Variants in SIPA1L2 observed in about 807,000 individuals in gnomAD.
The protein encoded by SIPA1L2 is signal-induced proliferation-associated 1-like protein 2.
SIPA1L2 carries 56 observed loss-of-function variants against 163.9 expected under a neutral mutation model. That is an observed-to-expected ratio of 0.34 (90% confidence interval 0.28 to 0.43). The LOEUF is 0.43. Among genes scored for constraint, SIPA1L2 ranks in the 20% least tolerant of loss-of-function variants. The pLI is 1.00. For synonymous variants in SIPA1L2, 877 were observed against 865.7 expected (o/e 1.01, Z -0.23); for missense variants, 1,974 against 2,193.5 (o/e 0.90, Z 2.00).
intron 1 of SIPA1L2, among the ~76,000 whole-genome samples, chr1:232,592,063 A>G (rs1660996029): frequency 6.6e-6 from 1 of 152,198 alleles, no homozygotes; most frequent in African/African-American, 2.4e-5. Flanking sequence ...AGAATAAGAA[A>G]AAGAAGGAAA....
At chr1:232,441,525 C>G in intron 13 of SIPA1L2, 131 bp from the exon 14 acceptor site, 1 of 844,538 alleles carries the variant, frequency 1.2e-6, no homozygotes, top group South Asian at 1.5e-5. Context: ...TCTGGTCTTA[C>G]CAATGGATAT....
At chr1:232,539,083 T>G (rs1185437440) in intron 2 of SIPA1L2, among the ~76,000 whole-genome samples, 1 of 152,224 alleles carries the variant, frequency 6.6e-6, no homozygotes, top group Non-Finnish European at 1.5e-5. Context: ...CAGAGTCTCC[T>G]CGTCAAGCAA....
chr1:232,502,928 G>A (rs6676856), intron 3 of SIPA1L2, among the ~76,000 whole-genome samples: 62,072 of 152,118 alleles, frequency 0.41, 14,223 homozygotes, highest in East Asian at 0.85. Flanking sequence ...GAGGGAAATA[G>A]TTGCCCTTTT....
chr1:232,628,527 AG>A (rs143062080), intron 1 of SIPA1L2, among the ~76,000 whole-genome samples: 14,165 of 152,318 alleles, frequency 0.093, 849 homozygotes, highest in Non-Finnish European at 0.13. Context: ...ACATGAAACA[AG>A]CATTCTTAAA....
intron 1 of SIPA1L2, among the ~76,000 whole-genome samples, chr1:232,626,184 T>C (rs546560435): frequency 6.6e-6 from 1 of 152,018 alleles, no homozygotes; most frequent in South Asian, 2.1e-4. Context: ...AACACACTTA[T>C]GTAGCAACAT....
intron 2 of SIPA1L2, among the ~76,000 whole-genome samples, chr1:232,565,046 TC>T (rs1203385327): frequency 2.0e-5 from 3 of 152,172 alleles, no homozygotes; most frequent in Non-Finnish European, 4.4e-5. Context: ...TGTGCTTGTA[TC>T]CCAGAATTTA....
At chr1:232,466,491 A>G (rs539458423) in intron 8 of SIPA1L2, among the ~76,000 whole-genome samples, 14 of 152,306 alleles carry the variant, frequency 9.2e-5, no homozygotes, top group African/African-American at 3.4e-4. Context: ...GGACTAATGA[A>G]TTAACAAAGG....
intron 3 of SIPA1L2, among the ~76,000 whole-genome samples, chr1:232,511,275 G>A (rs971554243): frequency 5.3e-5 from 8 of 152,160 alleles, no homozygotes; most frequent in Non-Finnish European, 7.4e-5. Flanking sequence ...AGCCAAGACC[G>A]AAATTCAGGG....
At chr1:232,401,140 C>T (rs1410851161) in intron 22 of SIPA1L2, among the ~76,000 whole-genome samples, 3 of 152,190 alleles carry the variant, frequency 2.0e-5, no homozygotes, top group African/African-American at 7.2e-5. Flanking sequence ...CTTGATTTCC[C>T]GTCTAAACTT....
chr1:232,440,538 C>T (rs939984311), intron 14 of SIPA1L2, among the ~76,000 whole-genome samples: 7 of 152,174 alleles, frequency 4.6e-5, no homozygotes, highest in South Asian at 2.1e-4. Flanking sequence ...AGGTCGCGGT[C>T]ACAGCTGAGG....
chr1:232,493,051 TC>T (rs1204730752), intron 4 of SIPA1L2, among the ~76,000 whole-genome samples: 2 of 152,108 alleles, frequency 1.3e-5, no homozygotes, highest in African/African-American at 4.8e-5. Flanking sequence ...GGTTGAATTT[TC>T]CCCTTGCTGT....
intron 1 of SIPA1L2, among the ~76,000 whole-genome samples, chr1:232,588,044 A>G (rs1045623889): frequency 7.2e-5 from 11 of 152,186 alleles, no homozygotes; most frequent in African/African-American, 2.4e-4. Flanking sequence ...AGCAGCAGGA[A>G]AACGGACTAA....
rs1002796010 is a variant in SIPA1L2 at position 232,460,945 on chromosome 1, T to C, written c.3037A>G (p.Thr1013Ala). ...THEQMIDLLRTSVTVKVVIIQ... is the reference protein window; with the variant it reads ...THEQMIDLLRASVTVKVVIIQ... Reference sequence around the variant, plus strand: ...ATGACCACCTTCACAGTCACAGAAGTACGGAGCAGGTCGATCATCTGCTCG... The same window carrying C: ...ATGACCACCTTCACAGTCACAGAAGCACGGAGCAGGTCGATCATCTGCTCG... The change falls in exon 10 of 23, where the codon ACT becomes GCT. Residue 1013 changes from threonine to alanine, a missense_variant. Thr to Ala is a moderately conservative substitution (Grantham distance 58). Coordinates refer to ENST00000674635, the MANE Select transcript of SIPA1L2 (RefSeq NM_020808.5). 6.2e-7 allele frequency: 1 copy of C among 1,614,122 alleles called. No homozygotes were observed. Among genetic ancestry groups the C allele is most frequent in the Non-Finnish European group, 8.5e-7 (1 of 1,180,050 alleles).
chr1:232,512,841 C>T (rs1667043068), intron 3 of SIPA1L2, among the ~76,000 whole-genome samples: 1 of 152,128 alleles, frequency 6.6e-6, no homozygotes, highest in African/African-American at 2.4e-5. Flanking sequence ...AGTGAGCTCC[C>T]AGCTATCTGT....
chr1:232,439,372 G>C lies in SIPA1L2; in HGVS notation c.3767C>G (p.Thr1256Ser). Reference protein sequence around the residue: ...DLMDPELLGLTYIKGASTDSG... With the variant: ...DLMDPELLGLSYIKGASTDSG... ...GTCGGTGGAGGCCCCTTTGATGTAG[G>C]TCAGCCCCAGTAATTCGGGGTCCAT... The change falls in exon 15 of 23, where the codon ACC becomes AGC. Residue 1256 changes from threonine to serine, a missense_variant. Around this residue, in one of 3 missense-constraint regions of SIPA1L2, gnomAD observed 1,079 missense variants for 1,150.7 expected, o/e 0.94. Transcript: ENST00000674635. 1 of 1,614,174 alleles carries C rather than the reference G, an allele frequency of 6.2e-7. No homozygotes were observed. The highest frequency in any genetic ancestry group is 8.5e-7 in the Non-Finnish European group (1 of 1,180,016).
chr1:232,477,322 T>C (rs554850371), intron 7 of SIPA1L2, among the ~76,000 whole-genome samples: 2 of 152,346 alleles, frequency 1.3e-5, no homozygotes, highest in Admixed American at 1.3e-4. Flanking sequence ...TAATGAATTA[T>C]AAAACAGTAA....
chr1:232,399,921 A>T (rs1406839402), intron 22 of SIPA1L2, among the ~76,000 whole-genome samples: 2 of 152,144 alleles, frequency 1.3e-5, no homozygotes, highest in Admixed American at 6.5e-5. Context: ...AATAATCGGT[A>T]TTTCTGTAAC....
Position 232,429,608 on chromosome 1 carries a change from TAAA to T in SIPA1L2, c.4257-1047_4257-1045del, listed in dbSNP as rs35262191. Among the ~76,000 whole-genome samples, 66 of 137,758 alleles carry T rather than the reference TAAA, an allele frequency of 4.8e-4. 1 individual carries two copies. In the East Asian group the frequency reaches 0.011, roughly 22 times the overall value. The allele number at this position is 137,758 out of a possible 152,430, so 90.4% of individuals were successfully genotyped here. A position where few individuals can be genotyped will look rare whatever the true frequency, so the allele number is the denominator to read the frequency against. Reference sequence around the variant, plus strand: ...TTACAACATGAACAAATAGTGGCTGTAAAAAAAAAAAAAAAGAAGCATTTCATA... The same window carrying T: ...TTACAACATGAACAAATAGTGGCTGTAAAAAAAAAAAAGAAGCATTTCATA... On this transcript the variant is annotated intron_variant, in intron 16 of 22. Coordinates refer to ENST00000674635, the MANE Select transcript of SIPA1L2 (RefSeq NM_020808.5).
intron 19 of SIPA1L2, among the ~76,000 whole-genome samples, chr1:232,406,250 A>C (rs578171283): frequency 9.7e-4 from 148 of 152,324 alleles, no homozygotes; most frequent in African/African-American, 3.2e-3. Context: ...AAAGACAGGC[A>C]CAAGAATAGG....
Sources: gnomAD v4.1 joint callset for allele counts (sites outside exome capture counted in the v4.1 genomes callset) on GRCh38, gnomAD v4.1.1 for gene constraint, gnomAD v4.1.1 regional missense constraint, MANE v1.5 for transcripts, NCBI Gene and HGNC (gene_info 2026-07-23, HGNC 2026-07-21) for gene names.